Variants in KCNA10 observed in about 807,000 individuals in gnomAD.
KCNA10 encodes cyclic GMP gated potassium channel.
A neutral mutation model predicts 21.4 loss-of-function variants in KCNA10; 16 were observed. That is an observed-to-expected ratio of 0.75 (90% CI 0.51 to 1.14). The LOEUF (loss-of-function observed/expected upper bound fraction) is 1.14. KCNA10 is among the 50% of genes most tolerant of loss of function. The probability of loss-of-function intolerance (pLI) is 0.00; values close to 1 mark genes in which losing one functional copy is unlikely to be tolerated. For synonymous variants in KCNA10, 276 were observed against 245.9 expected, an observed-to-expected ratio of 1.12 and a Z score of -1.15; for missense variants, 677 against 649.1, an observed-to-expected ratio of 1.04 and a Z score of -0.47.
Position 110,518,638 on chromosome 1 carries a change from C to T in KCNA10, c.150G>A (p.Lys50=). The T allele has an allele frequency of 6.2e-7, 1 of 1,614,220 alleles. No individual in the cohort carries two copies. The highest frequency in any genetic ancestry group is 8.5e-7 in the Non-Finnish European group (1 of 1,180,048). Residue 50 remains lysine (K), a synonymous_variant, in exon 1 of 1, where the codon AAG becomes AAA. Transcript: ENST00000369771. Reference sequence around the variant, plus strand: ...GGTTGGTGCTTTCGCTGATGAGGATCTTCCCGTTGGAGAAGGAGCTGCCCC... The same window carrying T: ...GGTTGGTGCTTTCGCTGATGAGGATTTTCCCGTTGGAGAAGGAGCTGCCCC... The part of the protein sequence containing the change: ...RPGGSSFSNG[K]ILISESTNHE...
rs1647264501 is a variant in KCNA10, at chr1:110,517,914, C to A, written c.874G>T (p.Val292Phe). 1 of 1,613,802 alleles carries A rather than the reference C, an allele frequency of 6.2e-7. No individual in the cohort carries two copies. The highest frequency in any genetic ancestry group is 8.5e-7 in the Non-Finnish European group (1 of 1,180,010). Residue 292 changes from valine to phenylalanine, a missense_variant, in exon 1 of 1, where the codon GTC (valine) becomes TTC (phenylalanine). Val to Phe is a conservative substitution (Grantham distance 50). Coordinates refer to ENST00000369771, the MANE Select transcript of KCNA10 (RefSeq NM_005549.2). Reference protein sequence around the residue: ...FTFELVLRFVVCPSKTDFFRN... With the variant: ...FTFELVLRFVFCPSKTDFFRN... ...AAGAAGTCAGTCTTGCTGGGGCAGA[C>A]CACGAACCGGAGCACCAGCTCGAAG...
Position 110,518,452 on chromosome 1 carries a change from C to G in KCNA10, c.336G>C (p.Leu112=). ...ACTGCATCCTTTTTTCCCGGTCTCC[C>G]AGGAGAGTCTCTGGGAACTGACTAA... The part of the protein sequence containing the change: ...RTLSQFPETL[L]GDREKRMQFF... The change falls in exon 1 of 1, where the codon CTG becomes CTC. Residue 112 remains leucine, a synonymous_variant. Coordinates refer to ENST00000369771, the MANE Select transcript of KCNA10 (RefSeq NM_005549.2). 1 of 1,614,204 alleles carries G rather than the reference C, an allele frequency of 6.2e-7. No homozygotes were observed. The highest frequency in any genetic ancestry group is 8.5e-7 in the Non-Finnish European group (1 of 1,180,036).
Position 110,517,509 on chromosome 1 carries a change from T to C in KCNA10, c.1279A>G (p.Met427Val). ...VTMTTVGYGD[M>V]CPTTPGGKIV... is the part of the protein sequence containing the mutation. ...TTCCCCCCTGGGGTGGTCGGGCACATGTCCCCATAGCCTACAGTTGTCATG... is the reference window on the plus strand; with the variant it reads ...TTCCCCCCTGGGGTGGTCGGGCACACGTCCCCATAGCCTACAGTTGTCATG... Residue 427 changes from methionine (M) to valine (V), a missense_variant, in exon 1 of 1, where the codon ATG (methionine) becomes GTG (valine). Physicochemically the swap from Met to Val is conservative, Grantham distance 21 (BLOSUM62 1). Coordinates refer to ENST00000369771, the MANE Select transcript of KCNA10 (RefSeq NM_005549.2). The C allele has an allele frequency of 2.5e-6, 4 of 1,614,186 alleles. No homozygotes were observed. The highest frequency in any genetic ancestry group is 2.5e-6 in the Non-Finnish European group (3 of 1,180,042).
At position 110,517,241 on chromosome 1, in the gene KCNA10, C is replaced by T; in HGVS notation, c.*11G>A. On this transcript the variant is annotated 3_prime_UTR_variant, in exon 1 of 1. Transcript: ENST00000369771. ...AGAGAGACAGGATGGACCCAAGAAG[C>T]CCTGGACTGATCATTTCCTAGACTT... 6.3e-7 allele frequency: 1 copy of T among 1,599,452 alleles called. No individual in the cohort carries two copies. Among genetic ancestry groups the T allele is most frequent in the South Asian group, 1.1e-5 (1 of 90,528 alleles).
chr1:110,517,807 T>C lies in KCNA10; in HGVS notation c.981A>G (p.Thr327=), dbSNP rs772753869. 2 of 1,614,040 alleles carry C rather than the reference T, an allele frequency of 1.2e-6. No individual in the cohort carries two copies. The highest frequency in any genetic ancestry group is 2.7e-5 in the African/African-American group (2 of 74,920). ...ATLITELVQE[T]EPSAQQNMSL... ...ACATGTTCTGTTGGGCACTCGGCTCTGTCTCCTGGACTAGCTCTGTGATGA... is the reference window on the plus strand; with the variant it reads ...ACATGTTCTGTTGGGCACTCGGCTCCGTCTCCTGGACTAGCTCTGTGATGA... Residue 327 remains threonine, a synonymous_variant, in exon 1 of 1, where the codon ACA becomes ACG. Transcript: ENST00000369771.
At position 110,518,330 on chromosome 1, in the gene KCNA10, C is replaced by G. The variant is rs373944479; in HGVS notation, c.458G>C (p.Arg153Pro). The change falls in exon 1 of 1, where the codon CGC (arginine) becomes CCC (proline). Residue 153 changes from arginine (R) to proline (P), a missense_variant. Transcript: ENST00000369771. ...YYYQSGGKIR[R>P]PANVPIDIFA... is the part of the protein sequence containing the mutation. ...GATATCAATGGGAACATTGGCTGGG[C>G]GCCGAATTTTCCCACCAGATTGGTA... 3.1e-6 allele frequency: 5 copies of G among 1,614,214 alleles called. No homozygotes were observed. Among genetic ancestry groups the G allele is most frequent in the Non-Finnish European group, 4.2e-6 (5 of 1,180,036 alleles).
chr1:110,518,249 C>T lies in KCNA10; in HGVS notation c.539G>A (p.Arg180Gln), dbSNP rs369629264. ...GTCTTTGATGAAGCCTTCATCCTCC[C>T]GGAACTGGTCCATGGCCTCACTACC... ...ELGSEAMDQFREDEGFIKDPE... is the reference protein window; with the variant it reads ...ELGSEAMDQFQEDEGFIKDPE... The change falls in exon 1 of 1, where the codon CGG (arginine) becomes CAG (glutamine). Residue 180 changes from arginine to glutamine, a missense_variant. Transcript: ENST00000369771. 156 of 1,614,110 alleles carry T rather than the reference C, an allele frequency of 9.7e-5. No individual in the cohort carries two copies. Among genetic ancestry groups the T allele is most frequent in the East Asian group, 3.3e-4 (15 of 44,876 alleles).
In KCNA10 at chr1:110,518,308, A is replaced by T. The variant is rs1332578152; in HGVS notation, c.480T>A (p.Asp160Glu). 6.2e-7 allele frequency: 1 copy of T among 1,614,240 alleles called. No homozygotes were observed. Among genetic ancestry groups the T allele is most frequent in the South Asian group, 1.1e-5 (1 of 91,080 alleles). The change falls in exon 1 of 1, where the codon GAT (aspartate) becomes GAA (glutamate). Residue 160 changes from aspartate to glutamate, a missense_variant. Physicochemically the swap from Asp to Glu is conservative, Grantham distance 45. Transcript: ENST00000369771. ...KIRRPANVPI[D>E]IFADEISFYE... Reference sequence around the variant, plus strand: ...AGAAGGAGATTTCATCAGCAAAGATATCAATGGGAACATTGGCTGGGCGCC... The same window carrying T: ...AGAAGGAGATTTCATCAGCAAAGATTTCAATGGGAACATTGGCTGGGCGCC...
In KCNA10 at chr1:110,517,289, G is replaced by A. The variant is rs200120998; in HGVS notation, c.1499C>T (p.Thr500Ile). ...CTTCTCTGTGGAACAGCCACCATTGGTCTTATTAAGAGAGTCTGTGCTGCC... is the reference window on the plus strand; with the variant it reads ...CTTCTCTGTGGAACAGCCACCATTGATCTTATTAAGAGAGTCTGTGCTGCC... ...RMGSTDSLNK[T>I]NGGCSTEKSR... Residue 500 changes from threonine (T) to isoleucine (I), a missense_variant, in exon 1 of 1, where the codon ACC becomes ATC. Physicochemically the swap from Thr to Ile is moderately conservative, Grantham distance 89. Coordinates refer to ENST00000369771, the MANE Select transcript of KCNA10 (RefSeq NM_005549.2). 36 of 1,613,996 alleles carry A rather than the reference G, an allele frequency of 2.2e-5. No homozygotes were observed. Among genetic ancestry groups the A allele is most frequent in the Non-Finnish European group, 2.6e-5 (31 of 1,179,992 alleles).
In KCNA10 at chr1:110,517,995, T is replaced by A. The variant is rs182741932; in HGVS notation, c.793A>T (p.Thr265Ser). ...ATGAAGAAAGGGTCGGTGAACATGGTCTGGGAGAGGACTGTCTTGCTCATG... is the reference window on the plus strand; with the variant it reads ...ATGAAGAAAGGGTCGGTGAACATGGACTGGGAGAGGACTGTCTTGCTCATG... Reference protein sequence around the residue: ...LNMSKTVLSQTMFTDPFFMVE... With the variant: ...LNMSKTVLSQSMFTDPFFMVE... The change falls in exon 1 of 1, where the codon ACC (threonine) becomes TCC (serine). Residue 265 changes from threonine to serine, a missense_variant. Coordinates refer to ENST00000369771, the MANE Select transcript of KCNA10 (RefSeq NM_005549.2). The A allele has an allele frequency of 2.0e-4, 316 of 1,613,724 alleles. No individual in the cohort carries two copies. The highest frequency in any genetic ancestry group is 2.4e-4 in the Non-Finnish European group (285 of 1,179,944).
chr1:110,517,894 G>A lies in KCNA10; in HGVS notation c.894C>T (p.Asp298=), dbSNP rs1313250810. The change falls in exon 1 of 1, where the codon GAC becomes GAT. Residue 298 remains aspartate (D), a synonymous_variant. Coordinates refer to ENST00000369771, the MANE Select transcript of KCNA10 (RefSeq NM_005549.2). Reference sequence around the variant, plus strand: ...TGATGTTCATGATGTTCCTGAAGAAGTCAGTCTTGCTGGGGCAGACCACGA... The same window carrying A: ...TGATGTTCATGATGTTCCTGAAGAAATCAGTCTTGCTGGGGCAGACCACGA... The part of the protein sequence containing the change: ...LRFVVCPSKT[D]FFRNIMNIID... 2.5e-6 allele frequency: 4 copies of A among 1,614,070 alleles called. No homozygotes were observed. Among genetic ancestry groups the A allele is most frequent in the Non-Finnish European group, 3.4e-6 (4 of 1,180,022 alleles).
rs571676088 is a variant in KCNA10 at position 110,517,922 on chromosome 1, C to G, written c.866G>C (p.Arg289Pro). 1 of 1,613,732 alleles carries G rather than the reference C, an allele frequency of 6.2e-7. No homozygotes were observed. The highest frequency in any genetic ancestry group is 1.1e-5 in the South Asian group (1 of 91,066). The stretch of plus-strand genomic sequence containing the variant: ...AGTCTTGCTGGGGCAGACCACGAAC[C>G]GGAGCACCAGCTCGAAGGTGAACCA... ...IVWFTFELVL[R>P]FVVCPSKTDF... Residue 289 changes from arginine to proline, a missense_variant, in exon 1 of 1, where the codon CGG (arginine) becomes CCG (proline). Arg to Pro is a moderately radical substitution (Grantham distance 103). Transcript: ENST00000369771.
In KCNA10 at chr1:110,518,401, A is replaced by G; in HGVS notation, c.387T>C (p.Tyr129=). 6.2e-7 allele frequency: 1 copy of G among 1,614,232 alleles called. No homozygotes were observed. Among genetic ancestry groups the G allele is most frequent in the East Asian group, 2.2e-5 (1 of 44,878 alleles). Residue 129 remains tyrosine (Y), a synonymous_variant, in exon 1 of 1, where the codon TAT becomes TAC. Coordinates refer to ENST00000369771, the MANE Select transcript of KCNA10 (RefSeq NM_005549.2). ...MQFFDSMRNE[Y]FFDRNRPSFD... ...AACTGGGCCGGTTCCGATCAAAGAAATACTCATTTCTCATGGAGTCAAAGA... is the reference window on the plus strand; with the variant it reads ...AACTGGGCCGGTTCCGATCAAAGAAGTACTCATTTCTCATGGAGTCAAAGA...
In KCNA10 at chr1:110,517,320, T is replaced by C; in HGVS notation, c.1468A>G (p.Arg490Gly). ...TTAAGAGAGTCTGTGCTGCCCATTC[T>C]TGAGCCTACACTGTTGAGGATTCTT... ...IERILNSVGS[R>G]MGSTDSLNKT... The change falls in exon 1 of 1, where the codon AGA becomes GGA. Residue 490 changes from arginine (R) to glycine (G), a missense_variant. Coordinates refer to ENST00000369771, the MANE Select transcript of KCNA10 (RefSeq NM_005549.2). 1 of 1,614,240 alleles carries C rather than the reference T, an allele frequency of 6.2e-7. No homozygotes were observed.
At position 110,518,912 on chromosome 1, in the gene KCNA10, G is replaced by GTGTACCTTACCTCAA; in HGVS notation, c.-126_-125insTTGAGGTAAGGTACA. 1 of 785,572 alleles carries GTGTACCTTACCTCAA rather than the reference G, an allele frequency of 1.3e-6. No homozygotes were observed. The highest frequency in any genetic ancestry group is 2.0e-6 in the Non-Finnish European group (1 of 500,566). The allele number at this position is 785,572 out of a possible 1,614,324, so 48.7% of individuals were successfully genotyped here. ...ATACAACTGGCCCTTGTTTATTGAG[G>GTGTACCTTACCTCAA]TAAGGTACACCAATGGGCTAATCAA... On this transcript the variant is annotated 5_prime_UTR_variant, in exon 1 of 1. Coordinates refer to ENST00000369771, the MANE Select transcript of KCNA10 (RefSeq NM_005549.2).
Position 110,517,708 on chromosome 1 carries a change from C to T in KCNA10, c.1080G>A (p.Gly360=). 1 of 1,614,146 alleles carries T rather than the reference C, an allele frequency of 6.2e-7. No individual in the cohort carries two copies. Among genetic ancestry groups the T allele is most frequent in the Non-Finnish European group, 8.5e-7 (1 of 1,180,038 alleles). The change falls in exon 1 of 1, where the codon GGG becomes GGA. Residue 360 remains glycine, a synonymous_variant. Transcript: ENST00000369771. ...RIFKLSRHSK[G]LQILGQTLKA... ...TCAGTGTTTGCCCGAGGATCTGCAG[C>T]CCCTTGGAGTGGCGCGAGAGCTTGA...
In KCNA10 at chr1:110,519,031, A is replaced by G. The variant is rs3768456; in HGVS notation, c.-244T>C. On this transcript the variant is annotated 5_prime_UTR_variant, in exon 1 of 1. Coordinates refer to ENST00000369771, the MANE Select transcript of KCNA10 (RefSeq NM_005549.2). ...TGTACCCCTGAGTTTGCATAAACTA[A>G]TAACTAGGAGAAATTGCAAAAAAAG... The G allele has an allele frequency of 0.11, 41,515 of 390,574 alleles. 3,035 individuals carry two copies. The highest frequency in any genetic ancestry group is 0.29 in the East Asian group (7,408 of 25,340). 24.2% of individuals were successfully genotyped at this position (390,574 alleles called of 1,614,324 possible). A position where few individuals can be genotyped will look rare whatever the true frequency, so the allele number is the denominator to read the frequency against.
rs1647260862 is a variant in KCNA10 at position 110,517,836 on chromosome 1, T to G, written c.952A>C (p.Thr318Pro). Residue 318 changes from threonine (T) to proline (P), a missense_variant, in exon 1 of 1, where the codon ACT becomes CCT. By Grantham distance (38) the Thr-to-Pro change is conservative. Coordinates refer to ENST00000369771, the MANE Select transcript of KCNA10 (RefSeq NM_005549.2). Reference sequence around the variant, plus strand: ...TCCTGGACTAGCTCTGTGATGAGAGTTGCAAAGTAGGGGATAATGGAGATG... The same window carrying G: ...TCCTGGACTAGCTCTGTGATGAGAGGTGCAAAGTAGGGGATAATGGAGATG... ...DIISIIPYFA[T>P]LITELVQETE... is the part of the protein sequence containing the mutation. 1.2e-6 allele frequency: 2 copies of G among 1,613,452 alleles called. No homozygotes were observed. Among genetic ancestry groups the G allele is most frequent in the East Asian group, 4.5e-5 (2 of 44,826 alleles).
chr1:110,518,803 G>A lies in KCNA10; in HGVS notation c.-16C>T. ...ACACATCCATTCTAGGGGAGCCAGG[G>A]AAGAAGCATGAAGATCCTCAGCCTT... is the stretch of plus-strand genomic sequence containing the variant. On this transcript the variant is annotated 5_prime_UTR_variant, in exon 1 of 1. Coordinates refer to ENST00000369771, the MANE Select transcript of KCNA10 (RefSeq NM_005549.2). The A allele has an allele frequency of 4.7e-6, 7 of 1,502,682 alleles. No individual in the cohort carries two copies. The highest frequency in any genetic ancestry group is 6.2e-6 in the Non-Finnish European group (7 of 1,120,778). The allele number at this position is 1,502,682 out of a possible 1,614,324, so 93.1% of individuals were successfully genotyped here.
Sources: allele counts gnomAD v4.1 joint callset, GRCh38; gene constraint gnomAD v4.1.1; transcripts MANE v1.5; gene names NCBI Gene and HGNC (gene_info 2026-07-23, HGNC 2026-07-21).